SLC1A2: variants seen among roughly 807,000 people sequenced by gnomAD.
The protein encoded by SLC1A2 is excitatory amino acid transporter 2.
Under a neutral mutation model 48.8 loss-of-function variants are expected in SLC1A2, and 15 were observed. The ratio of observed to expected loss-of-function variants is 0.31; its 90% CI spans 0.21 to 0.47. The LOEUF (loss-of-function observed/expected upper bound fraction) is 0.47, where lower values mean the gene tolerates loss of function less well. Ranked by LOEUF, SLC1A2 falls within the 20% of genes least tolerant of loss-of-function variation. The pLI, the probability that SLC1A2 is intolerant of heterozygous loss-of-function variation, is 0.99. For missense variants in SLC1A2, 502 were observed against 730.5 expected (o/e 0.69, Z 3.61); for synonymous variants, 279 against 272.6 (o/e 1.02, Z -0.23).
chr11:35,330,907 A>G (rs1367774908), intron 1 of SLC1A2, among the ~76,000 whole-genome samples: 1 of 152,254 alleles, frequency 6.6e-6, no homozygotes, highest in East Asian at 1.9e-4. Context: ...CTCCAGAACT[A>G]TATGATAATA....
intron 1 of SLC1A2, among the ~76,000 whole-genome samples, chr11:35,408,695 A>C (rs75270486): frequency 0.023 from 3,570 of 152,346 alleles, 103 homozygotes; most frequent in East Asian, 0.13. Context: ...ACTGGTCCAG[A>C]GGACAAAAGG....
chr11:35,360,362 A>G (rs1174492817), intron 1 of SLC1A2, among the ~76,000 whole-genome samples: 1 of 152,090 alleles, frequency 6.6e-6, no homozygotes, highest in Non-Finnish European at 1.5e-5. Flanking sequence ...ACGTTTTGTG[A>G]ATTTCTACTT....
chr11:35,385,890 C>T (rs934610864), intron 1 of SLC1A2, among the ~76,000 whole-genome samples: 9 of 152,048 alleles, frequency 5.9e-5, no homozygotes, highest in Non-Finnish European at 1.2e-4. Context: ...ACAGTTGGCC[C>T]GGCGCGGTGG....
At chr11:35,315,682 C>T (rs1851850948) in intron 2 of SLC1A2, 2 of 153,452 alleles carry the variant, frequency 1.3e-5, no homozygotes, top group Non-Finnish European at 2.9e-5. Context: ...GTAATCCCAG[C>T]TACTTGGGAG....
chr11:35,371,693 C>G (rs1338848266), intron 1 of SLC1A2, among the ~76,000 whole-genome samples: 1 of 147,568 alleles, frequency 6.8e-6, no homozygotes, highest in East Asian at 2.0e-4. Context: ...GCTGAATTAA[C>G]AGGCTGACTT....
At chr11:35,347,259 G>A (rs1013477899) in intron 1 of SLC1A2, among the ~76,000 whole-genome samples, 2 of 152,186 alleles carry the variant, frequency 1.3e-5, no homozygotes. Context: ...GCAATGGTCA[G>A]GGCTTCTGCA....
chr11:35,318,236 G>T (rs1851946398), intron 1 of SLC1A2, among the ~76,000 whole-genome samples: 1 of 152,184 alleles, frequency 6.6e-6, no homozygotes, highest in Non-Finnish European at 1.5e-5. Context: ...GTTAACCTCA[G>T]GTAAGCCTAA....
intron 1 of SLC1A2, among the ~76,000 whole-genome samples, chr11:35,374,930 G>A (rs1854178213): frequency 1.3e-5 from 2 of 152,138 alleles, no homozygotes; most frequent in South Asian, 4.1e-4. Flanking sequence ...AATGTTGACA[G>A]GTTCTTGGAA....
chr11:35,266,557 A>C (rs1007798577), intron 9 of SLC1A2, among the ~76,000 whole-genome samples: 6 of 152,254 alleles, frequency 3.9e-5, no homozygotes, highest in African/African-American at 1.2e-4. Flanking sequence ...TTAGAAATTC[A>C]GTGCCAGGAA....
chr11:35,281,063 G>T, intron 8 of SLC1A2, 62 bp from the exon 9 acceptor site: 1 of 1,460,736 alleles, frequency 6.8e-7, no homozygotes, highest in Non-Finnish European at 9.1e-7. Context: ...ACCAACCCTG[G>T]CAATTTTAAG....
chr11:35,286,832 T>C lies in SLC1A2; in HGVS notation c.1211A>G (p.Tyr404Cys). 1 of 1,613,924 alleles carries C rather than the reference T, an allele frequency of 6.2e-7. No individual in the cohort carries two copies. The highest frequency in any genetic ancestry group is 8.5e-7 in the Non-Finnish European group (1 of 1,179,896). ...TATAAAGATGGCGGCTACCGCTTCA[T>C]AAAGGGCTGTACCATCCATGTTAAT... ...ATINMDGTAL[Y>C]EAVAAIFIAQ... The change falls in exon 8 of 11, where the codon TAT becomes TGT. Residue 404 changes from tyrosine to cysteine, a missense_variant. Physicochemically the swap from Tyr to Cys is radical, Grantham distance 194. Around this residue, in one of 4 missense-constraint regions of SLC1A2, gnomAD observed 309 missense variants for 480.3 expected, o/e 0.64. Transcript: ENST00000278379.
At chr11:35,320,814 A>T (rs1180564557) in intron 1 of SLC1A2, among the ~76,000 whole-genome samples, 1 of 152,252 alleles carries the variant, frequency 6.6e-6, no homozygotes, top group East Asian at 1.9e-4. Context: ...GATGTTAAAG[A>T]TGTTGCAGTA....
intron 7 of SLC1A2, among the ~76,000 whole-genome samples, chr11:35,288,210 G>A (rs1850886537): frequency 6.6e-6 from 1 of 152,110 alleles, no homozygotes; most frequent in Non-Finnish European, 1.5e-5. Context: ...CAAACCACTG[G>A]CCCACGAGCT....
chr11:35,296,128 T>G (rs183901839), intron 6 of SLC1A2, among the ~76,000 whole-genome samples: 197 of 152,364 alleles, frequency 1.3e-3, no homozygotes, highest in African/African-American at 4.4e-3. Context: ...ACCATTTACC[T>G]TAGCTCCAAC....
At position 35,254,864 on chromosome 11, in the gene SLC1A2, G is replaced by A. The variant is rs1190976798; in HGVS notation, c.*6030C>T. 4.4e-6 allele frequency: 2 copies of A among 451,776 alleles called. No individual in the cohort carries two copies. 28.0% of individuals were successfully genotyped at this position (451,776 alleles called of 1,614,324 possible). ...TATCAAAATGAATATTTGGCCTGGA[G>A]GTTGGAAAGTGAAGCAAGGCTGGAC... is the stretch of plus-strand genomic sequence containing the variant. On this transcript the variant is annotated 3_prime_UTR_variant, in exon 11 of 11. Coordinates refer to ENST00000278379, the MANE Select transcript of SLC1A2 (RefSeq NM_004171.4).
chr11:35,389,109 C>G (rs1028890119), intron 1 of SLC1A2, among the ~76,000 whole-genome samples: 10 of 151,566 alleles, frequency 6.6e-5, no homozygotes, highest in Non-Finnish European at 2.9e-5. Flanking sequence ...TTTTTAAAAA[C>G]CTAAATATGT....
chr11:35,279,017 TG>T (rs1338747157), intron 9 of SLC1A2, among the ~76,000 whole-genome samples: 1 of 152,072 alleles, frequency 6.6e-6, no homozygotes, highest in Non-Finnish European at 1.5e-5. Flanking sequence ...AGACTCCATC[TG>T]AAAAAAAAGA....
chr11:35,298,852 T>C (rs1324646647), intron 6 of SLC1A2: 1 of 152,176 alleles, frequency 6.6e-6, no homozygotes, highest in Admixed American at 6.5e-5. Flanking sequence ...GGTATGGACA[T>C]AGGAAGGACA....
chr11:35,320,495 A>C (rs554523438), intron 1 of SLC1A2, among the ~76,000 whole-genome samples: 1 of 152,362 alleles, frequency 6.6e-6, no homozygotes, highest in South Asian at 2.1e-4. Context: ...GGGTCCCAGA[A>C]GGGGCCGAGA....
Sources: allele counts gnomAD v4.1 joint callset (sites outside exome capture counted in the v4.1 genomes callset), GRCh38; gene constraint gnomAD v4.1.1; regional missense constraint gnomAD v4.1.1; transcripts MANE v1.5; gene names NCBI Gene and HGNC (gene_info 2026-07-23, HGNC 2026-07-21).